Variants in NAB1 observed in about 807,000 individuals in gnomAD.
The protein encoded by NAB1 is NGFI-A-binding protein 1.
Under a neutral mutation model 49.9 loss-of-function variants are expected in NAB1, and 25 were observed. The observed-to-expected ratio is 0.50, with a 90% CI of 0.37 to 0.70. The LOEUF (loss-of-function observed/expected upper bound fraction) is 0.70. NAB1 is among the 30% of genes least tolerant of loss of function. The pLI is 0.00. For synonymous variants in NAB1, 198 were observed against 215.6 expected (o/e 0.92, Z 0.71); for missense variants, 489 against 575.9 (o/e 0.85, Z 1.54).
rs1693526369 is a variant in NAB1 at position 190,649,427 on chromosome 2, G to A, written c.-334+67G>A. On this transcript the variant is annotated intron_variant, in intron 1 of 9. Coordinates refer to ENST00000337386, the MANE Select transcript of NAB1 (RefSeq NM_005966.4). The surrounding 1 kb of genome is among the most constrained non-coding windows in gnomAD (Gnocchi z 6.1). Reference sequence around the variant, plus strand: ...GTGCGGGACACTTTCGCGGCTGAGCGGCCACGGGCGAACTTGGGGCGGCTG... The same window carrying A: ...GTGCGGGACACTTTCGCGGCTGAGCAGCCACGGGCGAACTTGGGGCGGCTG... 1 of 152,228 alleles carries A rather than the reference G, an allele frequency of 6.6e-6. No individual in the cohort carries two copies. Among genetic ancestry groups the A allele is most frequent in the Admixed American group, 6.5e-5 (1 of 15,282 alleles). 9.4% of individuals were successfully genotyped at this position (152,228 alleles called of 1,614,324 possible). A position where few individuals can be genotyped will look rare whatever the true frequency, so the allele number is the denominator to read the frequency against.
intron 9 of NAB1, among the ~76,000 whole-genome samples, chr2:190,688,271 T>A (rs1167579511): frequency 5.3e-5 from 8 of 152,238 alleles, no homozygotes; most frequent in African/African-American, 1.7e-4. Flanking sequence ...TGACTTTACA[T>A]CTGTTATCTA....
chr2:190,651,511 T>A lies in NAB1; in HGVS notation c.-197+1529T>A, dbSNP rs1305203657. 6.6e-6 allele frequency among the ~76,000 whole-genome samples: 1 copy of A among 152,178 alleles called. No individual in the cohort carries two copies. The highest frequency in any genetic ancestry group is 1.5e-5 in the Non-Finnish European group (1 of 68,028). On this transcript the variant is annotated intron_variant, in intron 2 of 9. Coordinates refer to ENST00000337386, the MANE Select transcript of NAB1 (RefSeq NM_005966.4). This position sits in a 1 kb window ranked among gnomAD's most constrained non-coding sequence, Gnocchi z 4.3. ...TGAATTTGTTAATGAACTTTAAATATTTAAAGTTCAGGTTGGATGAAAACA... is the reference window on the plus strand; with the variant it reads ...TGAATTTGTTAATGAACTTTAAATAATTAAAGTTCAGGTTGGATGAAAACA...
chr2:190,678,131 A>G lies in NAB1; in HGVS notation c.1005+4979A>G, dbSNP rs1695163515. 6.6e-6 allele frequency among the ~76,000 whole-genome samples: 1 copy of G among 152,228 alleles called. No individual in the cohort carries two copies. On this transcript the variant is annotated intron_variant, in intron 6 of 9. Transcript: ENST00000337386. This position sits in a 1 kb window ranked among gnomAD's most constrained non-coding sequence, Gnocchi z 4.9. ...AGTAAAAACCTTGTGTTGGGAAGAT[A>G]CACAGAGTAAATCAGAAAAATTAGT...
intron 4 of NAB1, among the ~76,000 whole-genome samples, chr2:190,661,732 A>G (rs1694238040): frequency 6.6e-6 from 1 of 152,228 alleles, no homozygotes. Flanking sequence ...AATGAATGCC[A>G]GTAGGCTGAA....
In NAB1 at chr2:190,652,484, G is replaced by T. The variant is rs1574411118; in HGVS notation, c.-197+2502G>T. 6.6e-6 allele frequency among the ~76,000 whole-genome samples: 1 copy of T among 152,066 alleles called. No homozygotes were observed. Among genetic ancestry groups the T allele is most frequent in the East Asian group, 1.9e-4 (1 of 5,200 alleles). On this transcript the variant is annotated intron_variant, in intron 2 of 9. Transcript: ENST00000337386. This position sits in a 1 kb window ranked among gnomAD's most constrained non-coding sequence, Gnocchi z 4.2. ...TTATCATTTAGCAAAATCTGGTTTA[G>T]TTTTTTCTAATTTTGGCAAGTAAAT...
In NAB1 at chr2:190,684,203, A is replaced by G. The variant is rs984592090; in HGVS notation, c.1095+376A>G. On this transcript the variant is annotated intron_variant, in intron 7 of 9. Transcript: ENST00000337386. This position sits in a 1 kb window ranked among gnomAD's most constrained non-coding sequence, Gnocchi z 4.6. Reference sequence around the variant, plus strand: ...TCTCAATAAAATATTAATAGTCAACATTGTAATTATTGTTAAATCTTTTAA... The same window carrying G: ...TCTCAATAAAATATTAATAGTCAACGTTGTAATTATTGTTAAATCTTTTAA... Among the ~76,000 whole-genome samples the G allele has an allele frequency of 6.6e-6, 1 of 152,222 alleles. No homozygotes were observed. The highest frequency in any genetic ancestry group is 2.4e-5 in the African/African-American group (1 of 41,472).
rs1195740751 is a variant in NAB1 at position 190,667,637 on chromosome 2, G to A, written c.820-2689G>A. ...CTATGGGTTTAAAATAGGAGACCTG[G>A]GTTTATTATTATAACTTGCTGTCAG... On this transcript the variant is annotated intron_variant, in intron 4 of 9. Coordinates refer to ENST00000337386, the MANE Select transcript of NAB1 (RefSeq NM_005966.4). This position sits in a 1 kb window ranked among gnomAD's most constrained non-coding sequence, Gnocchi z 4.4. 1.3e-5 allele frequency among the ~76,000 whole-genome samples: 2 copies of A among 151,878 alleles called. No individual in the cohort carries two copies. Among genetic ancestry groups the A allele is most frequent in the South Asian group, 2.1e-4 (1 of 4,808 alleles).
At chr2:190,649,067 G>A (rs1179946877), upstream of NAB1, 2 of 146,022 alleles carry the variant, frequency 1.4e-5, no homozygotes, top group Non-Finnish European at 3.1e-5. This position sits in a 1 kb window ranked among gnomAD's most constrained non-coding sequence, Gnocchi z 6.1. Flanking sequence ...GGCGCGGCGG[G>A]GGAGGCGCTG....
At chr2:190,673,293 T>C (rs1694910654) in intron 6 of NAB1, 141 bp downstream of exon 6, 5 of 753,692 alleles carry the variant, frequency 6.6e-6, no homozygotes, top group African/African-American at 5.3e-5. Flanking sequence ...TTTAAAAATA[T>C]AGAATTTTGT....
chr2:190,655,536 G>C (rs1693873524), intron 2 of NAB1, among the ~76,000 whole-genome samples: 1 of 152,180 alleles, frequency 6.6e-6, no homozygotes, highest in Non-Finnish European at 1.5e-5. Flanking sequence ...AGCATCTCAA[G>C]GAGTGATACC....
In NAB1 at chr2:190,656,084, C is replaced by T. The variant is rs1395139357; in HGVS notation, c.-89C>T. ...GCTTTTGAATGCAGTTAACTGGTTT[C>T]TCTTAACTGTGGAATTCATTGAAAA... On this transcript the variant is annotated 5_prime_UTR_variant, in exon 3 of 10. Transcript: ENST00000337386. 5 of 152,200 alleles carry T rather than the reference C, an allele frequency of 3.3e-5. No individual in the cohort carries two copies. In the East Asian group the frequency reaches 7.7e-4, roughly 23 times the overall value. 9.4% of individuals were successfully genotyped at this position (152,200 alleles called of 1,614,324 possible).
chr2:190,666,294 G>C lies in NAB1; in HGVS notation c.820-4032G>C, dbSNP rs964200452. Among the ~76,000 whole-genome samples the C allele has an allele frequency of 2.6e-5, 4 of 152,074 alleles. No individual in the cohort carries two copies. Among genetic ancestry groups the C allele is most frequent in the Admixed American group, 1.3e-4 (2 of 15,266 alleles). On this transcript the variant is annotated intron_variant, in intron 4 of 9. Coordinates refer to ENST00000337386, the MANE Select transcript of NAB1 (RefSeq NM_005966.4). The surrounding 1 kb of genome is among the most constrained non-coding windows in gnomAD (Gnocchi z 5.6). ...TTAAAGTCACAATCATTTAATTGTT[G>C]GAGATTATAATTTTAACAACCTGTA...
intron 2 of NAB1, among the ~76,000 whole-genome samples, chr2:190,653,132 T>G (rs1693749581): frequency 6.6e-6 from 1 of 152,214 alleles, no homozygotes; most frequent in Non-Finnish European, 1.5e-5. Context: ...AAACCTTTTC[T>G]GTTTCAGCCT....
rs772293829 is a variant in NAB1 at position 190,673,159 on chromosome 2, TC to T, written c.1005+8del. 8.1e-6 allele frequency: 13 copies of T among 1,610,594 alleles called. No individual in the cohort carries two copies. On this transcript the variant is annotated splice_region_variant and intron_variant, in intron 6 of 9. Coordinates refer to ENST00000337386, the MANE Select transcript of NAB1 (RefSeq NM_005966.4). ...AAAGAGAATTAAAGTGGAGGTATGG[TC>T]ATATGTTACATTTTCTTATGCTGAT...
rs1455980722 is a variant in NAB1 at position 190,680,543 on chromosome 2, T to A, written c.1006-3195T>A. ...TGTGTTGTCAGGAGCGCCTGAGGCA[T>A]GGCCATCTTGTTTGACGTTGTATTC... On this transcript the variant is annotated intron_variant, in intron 6 of 9. Coordinates refer to ENST00000337386, the MANE Select transcript of NAB1 (RefSeq NM_005966.4). This position sits in a 1 kb window ranked among gnomAD's most constrained non-coding sequence, Gnocchi z 5.2. Among the ~76,000 whole-genome samples the A allele has an allele frequency of 6.6e-6, 1 of 152,240 alleles. No individual in the cohort carries two copies. The highest frequency in any genetic ancestry group is 6.5e-5 in the Admixed American group (1 of 15,284).
rs1693807861 is a variant in NAB1 at position 190,654,194 on chromosome 2, AC to A, written c.-196-1782del. On this transcript the variant is annotated intron_variant, in intron 2 of 9. Coordinates refer to ENST00000337386, the MANE Select transcript of NAB1 (RefSeq NM_005966.4). The surrounding 1 kb of genome is among the most constrained non-coding windows in gnomAD (Gnocchi z 5.6). ...TTGGGGTGCTTATAACCTAACAGTG[AC>A]TTGTTCTGCAGAGCCAGGCAGGTTG... is the stretch of plus-strand genomic sequence containing the variant. Among the ~76,000 whole-genome samples the A allele has an allele frequency of 6.6e-6, 1 of 152,178 alleles. No individual in the cohort carries two copies. The highest frequency in any genetic ancestry group is 1.5e-5 in the Non-Finnish European group (1 of 68,014).
rs1694341713 is a variant in NAB1, at chr2:190,663,677, G to C, written c.819+3682G>C. ...GTGTATATATTTGTCTCCTCTCTTA[G>C]TTATTTTATTGTTCTTATCTAACTT... is the stretch of plus-strand genomic sequence containing the variant. On this transcript the variant is annotated intron_variant, in intron 4 of 9. Coordinates refer to ENST00000337386, the MANE Select transcript of NAB1 (RefSeq NM_005966.4). The surrounding 1 kb of genome is among the most constrained non-coding windows in gnomAD (Gnocchi z 4.2). Among the ~76,000 whole-genome samples, 4 of 152,088 alleles carry C rather than the reference G, an allele frequency of 2.6e-5. No individual in the cohort carries two copies. Among genetic ancestry groups the C allele is most frequent in the Admixed American group, 1.3e-4 (2 of 15,280 alleles).
chr2:190,651,846 T>G lies in NAB1; in HGVS notation c.-197+1864T>G, dbSNP rs1693683012. On this transcript the variant is annotated intron_variant, in intron 2 of 9. Coordinates refer to ENST00000337386, the MANE Select transcript of NAB1 (RefSeq NM_005966.4). This position sits in a 1 kb window ranked among gnomAD's most constrained non-coding sequence, Gnocchi z 4.3. Reference sequence around the variant, plus strand: ...TGAACAGTTTAAGATCATGCTAATGTATAATCAACCCGTCTATGCATATTT... The same window carrying G: ...TGAACAGTTTAAGATCATGCTAATGGATAATCAACCCGTCTATGCATATTT... Among the ~76,000 whole-genome samples the G allele has an allele frequency of 6.6e-6, 1 of 152,240 alleles. No individual in the cohort carries two copies. The highest frequency in any genetic ancestry group is 1.5e-5 in the Non-Finnish European group (1 of 68,046).
At position 190,685,706 on chromosome 2, in the gene NAB1, T is replaced by A; in HGVS notation, c.1258+68T>A. 1 of 1,210,762 alleles carries A rather than the reference T, an allele frequency of 8.3e-7. No individual in the cohort carries two copies. Among genetic ancestry groups the A allele is most frequent in the Non-Finnish European group, 1.1e-6 (1 of 922,510 alleles). The allele number at this position is 1,210,762 out of a possible 1,614,324, so 75.0% of individuals were successfully genotyped here. On this transcript the variant is annotated intron_variant, in intron 8 of 9. Transcript: ENST00000337386. The surrounding 1 kb of genome is among the most constrained non-coding windows in gnomAD (Gnocchi z 4.5). ...CACTTCAAAGAGAAACAGAAGACAGTGGCTGATTTTTAAATTATGATATTT... is the reference window on the plus strand; with the variant it reads ...CACTTCAAAGAGAAACAGAAGACAGAGGCTGATTTTTAAATTATGATATTT...
Sources: allele counts gnomAD v4.1 joint callset (sites outside exome capture counted in the v4.1 genomes callset), GRCh38; gene constraint gnomAD v4.1.1; non-coding constraint Gnocchi (gnomAD v3.1); transcripts MANE v1.5; gene names NCBI Gene and HGNC (gene_info 2026-07-23, HGNC 2026-07-21).